The following SPATA13 variants were observed in gnomAD, a reference collection of about 807,000 sequenced individuals.
SPATA13 encodes the protein spermatogenesis-associated protein 13.
A neutral mutation model predicts 104.0 loss-of-function variants in SPATA13; 50 were observed. The ratio of observed to expected loss-of-function variants is 0.48; its 90% confidence interval spans 0.38 to 0.61. The LOEUF is 0.61. Among genes scored for constraint, SPATA13 ranks in the 20% least tolerant of loss-of-function variants. The probability of loss-of-function intolerance (pLI) is 0.00; values close to 1 mark genes in which losing one functional copy is unlikely to be tolerated. For missense variants in SPATA13, 1,524 were observed against 1,690.6 expected (o/e 0.90, Z 1.73); for synonymous variants, 606 against 667.5 (o/e 0.91, Z 1.42).
chr13:24,195,114 C>T (rs926594497), intron 1 of SPATA13, among the ~76,000 whole-genome samples: 1 of 152,152 alleles, frequency 6.6e-6, no homozygotes, highest in Non-Finnish European at 1.5e-5. Flanking sequence ...TCCCCATTTC[C>T]TCCTGCTCCA....
intron 3 of SPATA13, among the ~76,000 whole-genome samples, chr13:24,054,197 T>G (rs967110111): frequency 6.6e-6 from 1 of 152,106 alleles, no homozygotes; most frequent in African/African-American, 2.4e-5. Context: ...AGCCCGGAGT[T>G]CCCATCACAC....
At chr13:24,065,156 T>C (rs1358625153) in intron 3 of SPATA13, among the ~76,000 whole-genome samples, 1 of 152,178 alleles carries the variant, frequency 6.6e-6, no homozygotes. Flanking sequence ...GGGGGATGTC[T>C]AATAATGCAC....
chr13:24,231,631 G>C (rs1178663478), intron 2 of SPATA13, among the ~76,000 whole-genome samples: 5 of 152,192 alleles, frequency 3.3e-5, no homozygotes, highest in Admixed American at 3.3e-4. Flanking sequence ...GGGTGGAATT[G>C]CTAGGTCTTG....
intron 4 of SPATA13, among the ~76,000 whole-genome samples, chr13:24,282,975 C>T (rs996459542): frequency 2.0e-5 from 3 of 152,220 alleles, no homozygotes; most frequent in African/African-American, 7.2e-5. Context: ...TTTCTCCAAA[C>T]CCTGGAACAG....
chr13:24,003,532 T>G (rs1318605637), intron 2 of SPATA13, among the ~76,000 whole-genome samples: 1 of 152,184 alleles, frequency 6.6e-6, no homozygotes, highest in African/African-American at 2.4e-5. Context: ...AGATAACAAG[T>G]TTCTCTTAAG....
At chr13:24,010,163 A>C (rs958307036) in intron 2 of SPATA13, among the ~76,000 whole-genome samples, 6 of 152,164 alleles carry the variant, frequency 3.9e-5, no homozygotes, top group Non-Finnish European at 8.8e-5. Context: ...TTCTTTTTGG[A>C]TCTATGATCA....
At chr13:24,189,298 C>T (rs1267332901) in intron 1 of SPATA13, among the ~76,000 whole-genome samples, 2 of 151,598 alleles carry the variant, frequency 1.3e-5, no homozygotes, top group South Asian at 4.2e-4. Flanking sequence ...AGTGAAACCC[C>T]GTCTCTACTA....
At chr13:24,290,580 G>T (rs1255677086) in intron 8 of SPATA13, 72 bp from the exon 9 acceptor site, 5 of 1,135,752 alleles carry the variant, frequency 4.4e-6, no homozygotes, top group Non-Finnish European at 6.6e-6. Flanking sequence ...AGAGAGGGCT[G>T]GGATGATGCC....
intron 4 of SPATA13, chr13:24,278,476 T>C (rs45486904): frequency 0.071 from 31,696 of 449,562 alleles, 1,325 homozygotes; most frequent in African/African-American, 0.092. Flanking sequence ...ATGGGTCTTA[T>C]TATGTTGCCC....
At chr13:24,160,710 T>A, upstream of SPATA13, 2 of 984,938 alleles carry the variant, frequency 2.0e-6, no homozygotes, top group Non-Finnish European at 2.4e-6. Context: ...GGCTGGGGCG[T>A]GGCTTGGCTG....
At chr13:24,138,879 AC>A (rs1262542594) in intron 3 of SPATA13, among the ~76,000 whole-genome samples, 2 of 151,798 alleles carry the variant, frequency 1.3e-5, no homozygotes, top group African/African-American at 2.4e-5. Context: ...GGCATGAGAC[AC>A]CATGCCAAGC....
rs567706171 is a variant in SPATA13, at chr13:24,306,527, A to G, written c.*3754A>G. 5 of 152,354 alleles carry G rather than the reference A, an allele frequency of 3.3e-5. No individual in the cohort carries two copies. The South Asian group carries it at 1.0e-3, about 32-fold the overall frequency. The allele number at this position is 152,354 out of a possible 1,614,324, so 9.4% of individuals were successfully genotyped here. ...TACTAGCAGACCCAGCTTTCCCATA[A>G]TAACCTAATCTGCAAATTGTTCTAT... On this transcript the variant is annotated 3_prime_UTR_variant, in exon 13 of 13. Coordinates refer to ENST00000382108, the MANE Select transcript of SPATA13 (RefSeq NM_001166271.3).
rs199977292 is a variant in SPATA13, at chr13:24,173,503, T to TC, written c.-112+12576dup. 4.3e-3 allele frequency among the ~76,000 whole-genome samples: 606 copies of TC among 140,938 alleles called. 8 individuals carry two copies. The highest frequency in any genetic ancestry group is 6.9e-3 in the Admixed American group (95 of 13,674). 92.5% of individuals were successfully genotyped at this position (140,938 alleles called of 152,430 possible). A position where few individuals can be genotyped will look rare whatever the true frequency, so the allele number is the denominator to read the frequency against. ...TCCATACGCCTTTTATTCCCCCCCG[T>TC]CCCCCAACTTTTTTTTTTTTTTGGC... On this transcript the variant is annotated intron_variant, in intron 1 of 12. Coordinates refer to ENST00000382108, the MANE Select transcript of SPATA13 (RefSeq NM_001166271.3).
chr13:24,255,738 C>T (rs189603353), intron 4 of SPATA13, among the ~76,000 whole-genome samples: 171 of 152,310 alleles, frequency 1.1e-3, no homozygotes, highest in African/African-American at 3.8e-3. Flanking sequence ...GCATTTCCAT[C>T]CCAGTCCTGG....
chr13:24,222,826 C>A lies in SPATA13; in HGVS notation c.-104C>A. On this transcript the variant is annotated 5_prime_UTR_variant, in exon 2 of 13. Coordinates refer to ENST00000382108, the MANE Select transcript of SPATA13 (RefSeq NM_001166271.3). The stretch of plus-strand genomic sequence containing the variant: ...CTTTGTCTTTCACTGCAGCCCGTGG[C>A]CACCCAGGAGCCCGATGTGCAAGGC... The A allele has an allele frequency of 6.6e-7, 1 of 1,518,444 alleles. No homozygotes were observed. Among genetic ancestry groups the A allele is most frequent in the Non-Finnish European group, 8.9e-7 (1 of 1,127,544 alleles). 94.1% of individuals were successfully genotyped at this position (1,518,444 alleles called of 1,614,324 possible).
At chr13:24,242,770 T>G (rs1872920347) in intron 2 of SPATA13, among the ~76,000 whole-genome samples, 1 of 152,220 alleles carries the variant, frequency 6.6e-6, no homozygotes, top group South Asian at 2.1e-4. Flanking sequence ...TCTGCATATG[T>G]AAATATTTCC....
chr13:24,278,435 T>C (rs1875178988), intron 4 of SPATA13, among the ~76,000 whole-genome samples: 1 of 152,150 alleles, frequency 6.6e-6, no homozygotes, highest in Non-Finnish European at 1.5e-5. Context: ...ATCTTGCAAT[T>C]CTATTTTTAA....
intron 3 of SPATA13, among the ~76,000 whole-genome samples, chr13:24,086,561 G>C (rs925457867): frequency 6.6e-6 from 1 of 152,186 alleles, no homozygotes; most frequent in African/African-American, 2.4e-5. Flanking sequence ...CTGTAGCCTT[G>C]GGGACTGGCG....
intron 1 of SPATA13, among the ~76,000 whole-genome samples, chr13:24,192,841 T>G (rs1391733514): frequency 6.6e-6 from 1 of 152,178 alleles, no homozygotes; most frequent in Admixed American, 6.5e-5. Context: ...TGGGTGGAAC[T>G]GCCTAAAACT....
Sources: gnomAD v4.1 joint callset for allele counts (sites outside exome capture counted in the v4.1 genomes callset) on GRCh38, gnomAD v4.1.1 for gene constraint, MANE v1.5 for transcripts, NCBI Gene and HGNC (gene_info 2026-07-23, HGNC 2026-07-21) for gene names.